Variants in ARB2A observed in about 807,000 individuals in gnomAD.
ARB2A encodes ARB2 cotranscriptional regulator A.
the ARB2A span, among the ~76,000 whole-genome samples, chr5:93,704,575 C>T: frequency 6.6e-6 from 1 of 151,988 alleles, no homozygotes; most frequent in African/African-American, 2.4e-5. Flanking sequence ...AAACCACCCC[C>T]CAAAACAAAC....
the ARB2A span, among the ~76,000 whole-genome samples, chr5:93,774,330 A>C: frequency 2.0e-5 from 3 of 152,350 alleles, no homozygotes; most frequent in East Asian, 1.9e-4. Flanking sequence ...TCTCACTTTA[A>C]ATCAAAAGCT....
At chr5:93,966,869 G>C in the ARB2A span, among the ~76,000 whole-genome samples, 8 of 151,974 alleles carry the variant, frequency 5.3e-5, no homozygotes, top group Admixed American at 2.6e-4. Flanking sequence ...TCTACTTATA[G>C]AACACTATAA....
At chr5:94,065,685 C>T in the ARB2A span, among the ~76,000 whole-genome samples, 1 of 152,080 alleles carries the variant, frequency 6.6e-6, no homozygotes, top group Non-Finnish European at 1.5e-5. Flanking sequence ...TATAACAATT[C>T]TAAACATATA....
the ARB2A span, among the ~76,000 whole-genome samples, chr5:93,857,622 T>A: frequency 6.6e-6 from 1 of 152,180 alleles, no homozygotes; most frequent in East Asian, 1.9e-4. Context: ...GTGCGCCGTA[T>A]TTTAAGCCCG....
At chr5:94,071,557 C>G in the ARB2A span, among the ~76,000 whole-genome samples, 1 of 151,938 alleles carries the variant, frequency 6.6e-6, no homozygotes, top group South Asian at 2.1e-4. Context: ...TTTAAAAACT[C>G]CATTTAGAAA....
chr5:93,655,684 A>G, the ARB2A span, among the ~76,000 whole-genome samples: 1 of 152,326 alleles, frequency 6.6e-6, no homozygotes, highest in African/African-American at 2.4e-5. Flanking sequence ...CAGTGATGTT[A>G]TATTACTCTG....
the ARB2A span, among the ~76,000 whole-genome samples, chr5:93,924,034 G>C: frequency 1.4e-4 from 21 of 152,082 alleles, no homozygotes; most frequent in African/African-American, 5.1e-4. Context: ...TTTCTAGGAG[G>C]CTTAATTATA....
the ARB2A span, among the ~76,000 whole-genome samples, chr5:93,972,023 G>GCC: frequency 2.0e-5 from 3 of 152,100 alleles, no homozygotes; most frequent in African/African-American, 7.2e-5. Flanking sequence ...TCGCCTCCCT[G>GCC]CCCCTTTTCT....
At chr5:93,908,492 T>C in the ARB2A span, among the ~76,000 whole-genome samples, 1 of 150,738 alleles carries the variant, frequency 6.6e-6, no homozygotes, top group African/African-American at 2.4e-5. Context: ...ATTTGAGGTA[T>C]TGCCTAAAAA....
chr5:93,914,741 T>C, the ARB2A span, among the ~76,000 whole-genome samples: 2 of 151,876 alleles, frequency 1.3e-5, no homozygotes, highest in African/African-American at 4.8e-5. Context: ...GTATAAAAAC[T>C]CATTGATACA....
the ARB2A span, among the ~76,000 whole-genome samples, chr5:93,941,021 C>A: frequency 6.6e-6 from 1 of 152,032 alleles, no homozygotes; most frequent in South Asian, 2.1e-4. Flanking sequence ...GCAATCCTGA[C>A]CTATCTTTAA....
chr5:93,759,005 A>T, the ARB2A span, among the ~76,000 whole-genome samples: 6 of 152,216 alleles, frequency 3.9e-5, no homozygotes, highest in African/African-American at 1.4e-4. Context: ...CATTGGCAAG[A>T]TTAACCAAGA....
the ARB2A span, among the ~76,000 whole-genome samples, chr5:94,084,937 T>C: frequency 6.6e-6 from 1 of 152,232 alleles, no homozygotes; most frequent in East Asian, 1.9e-4. Context: ...TACAGGAGAC[T>C]ACTACTTTGA....
the ARB2A span, among the ~76,000 whole-genome samples, chr5:94,075,598 T>C: frequency 6.6e-6 from 1 of 152,156 alleles, no homozygotes; most frequent in Non-Finnish European, 1.5e-5. Context: ...GTTAATGAAA[T>C]TATATAAAAA....
chr5:93,625,915 C>T, the ARB2A span, among the ~76,000 whole-genome samples: 2,099 of 152,238 alleles, frequency 0.014, 22 homozygotes, highest in Non-Finnish European at 0.019. Context: ...CTTATCTATT[C>T]CCCTTACTTC....
At chr5:93,810,616 C>A in the ARB2A span, among the ~76,000 whole-genome samples, 3 of 152,096 alleles carry the variant, frequency 2.0e-5, no homozygotes, top group African/African-American at 7.2e-5. Flanking sequence ...GTTTTCGGGG[C>A]TGGCTGGTCT....
At chr5:93,972,942 C>T in the ARB2A span, among the ~76,000 whole-genome samples, 14 of 150,458 alleles carry the variant, frequency 9.3e-5, no homozygotes, top group East Asian at 2.0e-4. Context: ...AAACTCACTA[C>T]AGGAATTTCT....
the ARB2A span, among the ~76,000 whole-genome samples, chr5:94,103,705 T>C: frequency 1.3e-5 from 2 of 149,388 alleles, no homozygotes; most frequent in South Asian, 4.2e-4. Flanking sequence ...TGCACTCAAC[T>C]ACAACAGAAT....
chr5:93,867,474 G>A, the ARB2A span, among the ~76,000 whole-genome samples: 1 of 152,100 alleles, frequency 6.6e-6, no homozygotes, highest in Non-Finnish European at 1.5e-5. Context: ...CTGGAGTGCA[G>A]TGATGCGATC....
Sources: allele counts gnomAD v4.1 joint callset (sites outside exome capture counted in the v4.1 genomes callset), GRCh38; gene constraint gnomAD v4.1.1; transcripts MANE v1.5; gene names NCBI Gene and HGNC (gene_info 2026-07-23, HGNC 2026-07-21).